SEMA3A: variants seen among roughly 807,000 people sequenced by gnomAD.
SEMA3A encodes semaphorin 3A, also known as semaphorin-3A.
SEMA3A carries 29 observed loss-of-function variants against 97.9 expected under a neutral mutation model. The observed-to-expected ratio is 0.30, with a 90% CI of 0.22 to 0.40. SEMA3A has a LOEUF of 0.40. SEMA3A is among the 10% of genes least tolerant of loss of function. SEMA3A has a pLI of 1.00. For synonymous variants in SEMA3A, 321 were observed against 323.7 expected, an observed-to-expected ratio of 0.99 and a Z score of 0.09; for missense variants, 763 against 951.3, an observed-to-expected ratio of 0.80 and a Z score of 2.60.
intron 15 of SEMA3A, among the ~76,000 whole-genome samples, chr7:83,965,331 T>C (rs1208397661): frequency 6.6e-6 from 1 of 151,640 alleles, no homozygotes; most frequent in East Asian, 1.9e-4. Context: ...CATCAAAATA[T>C]AGAAAAATCC....
chr7:84,471,103 C>T (rs1180301579), intron 1 of SEMA3A, among the ~76,000 whole-genome samples: 3 of 152,060 alleles, frequency 2.0e-5, no homozygotes, highest in Non-Finnish European at 4.4e-5. Flanking sequence ...CAGCAATACA[C>T]AAATAGACTG....
intron 1 of SEMA3A, among the ~76,000 whole-genome samples, chr7:84,429,550 CGAGAGA>C (rs202072224): frequency 0.12 from 6,762 of 57,318 alleles, 301 homozygotes; most frequent in East Asian, 0.16. Context: ...ATATATATAG[CGAGAGA>C]GAGAGAGAGA....
chr7:84,176,942 C>T (rs1562833136), intron 1 of SEMA3A, among the ~76,000 whole-genome samples: 1 of 152,042 alleles, frequency 6.6e-6, no homozygotes, highest in Admixed American at 6.6e-5. Flanking sequence ...ATATCTAGCC[C>T]CGAGCCATAA....
intron 4 of SEMA3A, among the ~76,000 whole-genome samples, chr7:84,099,109 C>G (rs57972450): frequency 2.1e-5 from 1 of 48,316 alleles, no homozygotes; most frequent in African/African-American, 4.1e-5. Context: ...CTCGCTCTGT[C>G]GCCCAGGCTG....
chr7:84,340,522 T>C (rs1158771930), intron 2 of SEMA3A, among the ~76,000 whole-genome samples: 1 of 152,170 alleles, frequency 6.6e-6, no homozygotes, highest in Non-Finnish European at 1.5e-5. Flanking sequence ...CTCACGCCTG[T>C]AATCCCAGCA....
chr7:84,422,555 A>T (rs1804630580), intron 1 of SEMA3A, among the ~76,000 whole-genome samples: 1 of 151,806 alleles, frequency 6.6e-6, no homozygotes, highest in Admixed American at 6.6e-5. Flanking sequence ...CTTTTCTGCT[A>T]GATTTTGAAT....
intron 1 of SEMA3A, among the ~76,000 whole-genome samples, chr7:84,388,764 A>C (rs1803465628): frequency 1.3e-5 from 2 of 152,000 alleles, no homozygotes; most frequent in Admixed American, 6.6e-5. Flanking sequence ...TATTTAAGGG[A>C]CCTTCAGTTT....
At chr7:84,012,885 T>C (rs181831840) in intron 7 of SEMA3A, among the ~76,000 whole-genome samples, 2 of 152,278 alleles carry the variant, frequency 1.3e-5, no homozygotes, top group African/African-American at 4.8e-5. Flanking sequence ...TTATATACTT[T>C]TAAACACCTT....
intron 1 of SEMA3A, among the ~76,000 whole-genome samples, chr7:84,408,953 G>C (rs4016106): frequency 0.14 from 21,398 of 151,670 alleles, 3,102 homozygotes; most frequent in African/African-American, 0.36. Context: ...TAAATGACAA[G>C]TTATTGGGTG....
intron 4 of SEMA3A, among the ~76,000 whole-genome samples, chr7:84,066,183 C>A (rs1243634838): frequency 6.6e-6 from 1 of 151,888 alleles, no homozygotes; most frequent in African/African-American, 2.4e-5. Flanking sequence ...ATGATTATCG[C>A]AATAGATGCA....
intron 1 of SEMA3A, among the ~76,000 whole-genome samples, chr7:84,427,400 G>C (rs943265672): frequency 2.0e-5 from 3 of 152,060 alleles, no homozygotes; most frequent in African/African-American, 7.2e-5. Context: ...TGTAATCCCA[G>C]CACTTTGGGA....
chr7:84,129,668 T>G (rs1444202855), intron 2 of SEMA3A, among the ~76,000 whole-genome samples: 1 of 151,440 alleles, frequency 6.6e-6, no homozygotes, highest in Admixed American at 6.6e-5. Flanking sequence ...AATAAGTAAC[T>G]GAAAGGATTA....
intron 1 of SEMA3A, among the ~76,000 whole-genome samples, chr7:84,165,494 A>C (rs1797174919): frequency 6.6e-6 from 1 of 152,142 alleles, no homozygotes; most frequent in South Asian, 2.1e-4. Flanking sequence ...CTAGTGAAAA[A>C]AAAAATATTA....
At chr7:84,433,012 C>T (rs1363031834) in intron 1 of SEMA3A, among the ~76,000 whole-genome samples, 5 of 151,726 alleles carry the variant, frequency 3.3e-5, no homozygotes, top group Non-Finnish European at 7.4e-5. Flanking sequence ...CATTTCCTAC[C>T]ACAGTGTATA....
At chr7:84,215,974 AAACATTATTATTC>A (rs138166069) in intron 3 of SEMA3A, among the ~76,000 whole-genome samples, 10,747 of 152,264 alleles carry the variant, frequency 0.071, 524 homozygotes, top group Non-Finnish European at 0.083. Flanking sequence ...ATGAACTGTT[AAACATTATTATTC>A]ATTTATTGAA....
intron 1 of SEMA3A, among the ~76,000 whole-genome samples, chr7:84,411,876 T>A (rs1029688546): frequency 2.6e-5 from 4 of 152,148 alleles, no homozygotes; most frequent in Non-Finnish European, 1.5e-5. Context: ...TAAAATTGAA[T>A]CCTGGTAATA....
At chr7:84,459,252 C>A (rs774253524) in intron 1 of SEMA3A, among the ~76,000 whole-genome samples, 6 of 152,196 alleles carry the variant, frequency 3.9e-5, no homozygotes, top group Non-Finnish European at 7.4e-5. Flanking sequence ...TATTTCTAAA[C>A]ACTTTCTTAA....
intron 1 of SEMA3A, among the ~76,000 whole-genome samples, chr7:84,386,353 T>G (rs893180119): frequency 6.6e-6 from 1 of 152,190 alleles, no homozygotes; most frequent in African/African-American, 2.4e-5. Flanking sequence ...GCTGTTTCGA[T>G]GTTTTGGATC....
intron 1 of SEMA3A, among the ~76,000 whole-genome samples, chr7:84,154,058 A>C (rs1016795150): frequency 3.3e-5 from 5 of 152,058 alleles, no homozygotes; most frequent in Non-Finnish European, 7.4e-5. Context: ...TATATTAAAT[A>C]TTTTGGGAGG....
Sources: allele counts gnomAD v4.1 joint callset (sites outside exome capture counted in the v4.1 genomes callset), GRCh38; gene constraint gnomAD v4.1.1; transcripts MANE v1.5; gene names NCBI Gene and HGNC (gene_info 2026-07-23, HGNC 2026-07-21).